Variants in OR5M8 observed in about 807,000 individuals in gnomAD.
OR5M8 encodes the protein olfactory receptor 5M8.
For missense variants in OR5M8, 445 were observed against 379.3 expected (o/e 1.17, Z -1.44); for synonymous variants, 163 against 141.5 (o/e 1.15, Z -1.08).
chr11:56,490,858 A>C lies in OR5M8; in HGVS notation c.513T>G (p.Asn171Lys), dbSNP rs537315231. Residue 171 changes from asparagine to lysine, a missense_variant, in exon 1 of 1, where the codon AAT (asparagine) becomes AAG (lysine). Coordinates refer to ENST00000327216, the MANE Select transcript of OR5M8 (RefSeq NM_001005282.1). ...CCGCACAGTAGAAGTGATTAATTTC[A>C]TTGGGGCCACAGAAGGCTAGGTTGT... Reference protein sequence around the residue: ...WTYNLAFCGPNEINHFYCADP... With the variant: ...WTYNLAFCGPKEINHFYCADP... 6 of 1,614,064 alleles carry C rather than the reference A, an allele frequency of 3.7e-6. No individual in the cohort carries two copies. In the East Asian group the frequency reaches 1.3e-4, roughly 36 times the overall value.
At position 56,490,829 on chromosome 11, in the gene OR5M8, G is replaced by T. The variant is rs546649892; in HGVS notation, c.542C>A (p.Pro181Gln). Residue 181 changes from proline (P) to glutamine (Q), a missense_variant, in exon 1 of 1, where the codon CCA becomes CAA. By Grantham distance (76) the Pro-to-Gln change is moderately conservative. Transcript: ENST00000327216. ...NEINHFYCAD[P>Q]PLIKLACSDT... ...AGAACAAGCCAGCTTAATCAGTGGT[G>T]GGTCCGCACAGTAGAAGTGATTAAT... 1 of 1,614,122 alleles carries T rather than the reference G, an allele frequency of 6.2e-7. No homozygotes were observed. Among genetic ancestry groups the T allele is most frequent in the Non-Finnish European group, 8.5e-7 (1 of 1,180,008 alleles).
rs1853841075 is a variant in OR5M8, at chr11:56,490,715, T to A, written c.656A>T (p.Tyr219Phe). 1.2e-6 allele frequency: 2 copies of A among 1,614,062 alleles called. No homozygotes were observed. Among genetic ancestry groups the A allele is most frequent in the South Asian group, 1.1e-5 (1 of 91,072 alleles). The change falls in exon 1 of 1, where the codon TAC (tyrosine) becomes TTC (phenylalanine). Residue 219 changes from tyrosine to phenylalanine, a missense_variant. Transcript: ENST00000327216. Reference protein sequence around the residue: ...SLFIICISYLYIFPAILKIRS... With the variant: ...SLFIICISYLFIFPAILKIRS... ...AATCTTTAAAATAGCAGGGAAAATGTAAAGGTAGGAAATACATATGATGAA... is the reference window on the plus strand; with the variant it reads ...AATCTTTAAAATAGCAGGGAAAATGAAAAGGTAGGAAATACATATGATGAA...
chr11:56,491,286 G>T lies in OR5M8; in HGVS notation c.85C>A (p.Leu29Met), dbSNP rs541589253. 16 of 1,614,032 alleles carry T rather than the reference G, an allele frequency of 9.9e-6. 1 individual carries two copies. In the South Asian group the frequency reaches 1.5e-4, roughly 16 times the overall value. The change falls in exon 1 of 1, where the codon CTG (leucine) becomes ATG (methionine). Residue 29 changes from leucine (L) to methionine (M), a missense_variant. Coordinates refer to ENST00000327216, the MANE Select transcript of OR5M8 (RefSeq NM_001005282.1). ...RRELQILLFT[L>M]FLAIYMVTVA... ...GTGACCATGTAAATGGCCAGAAACA[G>T]CGTGAAGAGGAGAATTTGTAATTCC...
Position 56,490,747 on chromosome 11 carries a change from A to G in OR5M8, c.624T>C (p.Phe208=). 6.2e-7 allele frequency: 1 copy of G among 1,614,194 alleles called. No individual in the cohort carries two copies. Among genetic ancestry groups the G allele is most frequent in the Non-Finnish European group, 8.5e-7 (1 of 1,180,016 alleles). The change falls in exon 1 of 1, where the codon TTT becomes TTC. Residue 208 remains phenylalanine (F), a synonymous_variant. Transcript: ENST00000327216. ...AGGAAATACATATGATGAAGAGAGA[A>G]AAAGAAAGGTTCCAGCCAGCCACAA... The part of the protein sequence containing the change: ...MFIVAGWNLS[F]SLFIICISYL...
At position 56,491,123 on chromosome 11, in the gene OR5M8, A is replaced by C. The variant is rs749071948; in HGVS notation, c.248T>G (p.Ile83Ser). The stretch of plus-strand genomic sequence containing the variant: ...AATGCTTTTCTTCTCTGAAAGGAAA[A>C]TCTCCAGCATCTTTGGAGTCACATT... ...SSNVTPKMLEIFLSEKKSISY... is the reference protein window; with the variant it reads ...SSNVTPKMLESFLSEKKSISY... Residue 83 changes from isoleucine to serine, a missense_variant, in exon 1 of 1, where the codon ATT becomes AGT. Transcript: ENST00000327216. 1.9e-6 allele frequency: 3 copies of C among 1,614,208 alleles called. No homozygotes were observed. The highest frequency in any genetic ancestry group is 8.5e-7 in the Non-Finnish European group (1 of 1,180,028).
rs140178134 is a variant in OR5M8, at chr11:56,491,010, G to C, written c.361C>G (p.Arg121Gly). The change falls in exon 1 of 1, where the codon CGG (arginine) becomes GGG (glycine). Residue 121 changes from arginine to glycine, a missense_variant. Arg to Gly is a moderately radical substitution (Grantham distance 125). Transcript: ENST00000327216. ...IYILAVMAFDRYMAICNPLLY... is the reference protein window; with the variant it reads ...IYILAVMAFDGYMAICNPLLY... ...AGAGGGTTGCAGATGGCCATGTACC[G>C]GTCAAAGGCCATCACAGCCAGGATG... 1.9e-6 allele frequency: 3 copies of C among 1,614,128 alleles called. No homozygotes were observed. The East Asian group carries it at 6.7e-5, about 36-fold the overall frequency.
Position 56,490,535 on chromosome 11 carries a change from G to A in OR5M8, c.836C>T (p.Thr279Ile), listed in dbSNP as rs372843566. Residue 279 changes from threonine to isoleucine, a missense_variant, in exon 1 of 1, where the codon ACA becomes ATA. Coordinates refer to ENST00000327216, the MANE Select transcript of OR5M8 (RefSeq NM_001005282.1). Reference protein sequence around the residue: ...QGKMVAVFYTTVIPMLNLIIY... With the variant: ...QGKMVAVFYTIVIPMLNLIIY... ...TATAAGGTTCAGCATAGGGATTACT[G>A]TGGTATAAAATACAGCTACCATTTT... 1.2e-6 allele frequency: 2 copies of A among 1,605,862 alleles called. No homozygotes were observed. The highest frequency in any genetic ancestry group is 1.7e-4 in the Middle Eastern group (1 of 6,052).
chr11:56,490,648 GCCA>G lies in OR5M8; in HGVS notation c.720_722del (p.Gly241del), dbSNP rs1853839906. The G allele has an allele frequency of 6.2e-7, 1 of 1,613,754 alleles. No homozygotes were observed. Among genetic ancestry groups the G allele is most frequent in the Non-Finnish European group, 8.5e-7 (1 of 1,179,948 alleles). The stretch of plus-strand genomic sequence containing the variant: ...ATATAGTGACAGCTGTCAGATGGGA[GCCA>G]CAGGTAGAAAAAGCTTTTTGCCTGC... On this transcript the variant is annotated inframe_deletion, in exon 1 of 1. Coordinates refer to ENST00000327216, the MANE Select transcript of OR5M8 (RefSeq NM_001005282.1).
In OR5M8 at chr11:56,491,164, A is replaced by T; in HGVS notation, c.207T>A (p.Asp69Glu). Residue 69 changes from aspartate to glutamate, a missense_variant, in exon 1 of 1, where the codon GAT (aspartate) becomes GAA (glutamate). Transcript: ENST00000327216. ...YFFLSHLSFV[D>E]LCFSSNVTPK... is the part of the protein sequence containing the mutation. ...GAGTCACATTGGAAGAGAAGCACAG[A>T]TCCACGAAGGATAAGTGGCTCAGGA... 6.2e-7 allele frequency: 1 copy of T among 1,614,242 alleles called. No homozygotes were observed. The highest frequency in any genetic ancestry group is 2.2e-5 in the East Asian group (1 of 44,882).
chr11:56,490,671 G>A lies in OR5M8; in HGVS notation c.700C>T (p.Gln234Ter). ...GAGCCACAGGTAGAAAAAGCTTTTT[G>A]CCTGCCCTCTGTAGAGCGAATCTTT... ...ILKIRSTEGRQKAFSTCGSHL... is the reference protein window; with the variant it reads ...ILKIRSTEGR The change falls in exon 1 of 1, where the codon CAA (glutamine) becomes TAA (stop). Residue 234 changes from glutamine (Q) to a stop codon, truncating the protein, a stop_gained. Coordinates refer to ENST00000327216, the MANE Select transcript of OR5M8 (RefSeq NM_001005282.1). LOFTEE classifies it low-confidence loss of function (END_TRUNC). 6.2e-7 allele frequency: 1 copy of A among 1,613,688 alleles called. No homozygotes were observed. Among genetic ancestry groups the A allele is most frequent in the Non-Finnish European group, 8.5e-7 (1 of 1,179,874 alleles).
chr11:56,490,906 G>T lies in OR5M8; in HGVS notation c.465C>A (p.Gly155=), dbSNP rs1253140506. ...TVPYVYGALT[G]LMETMWTYNL... ...TGTAGGTCCACATGGTCTCCATCAG[G>T]CCAGTGAGCGCTCCATACACATAAG... The change falls in exon 1 of 1, where the codon GGC becomes GGA. Residue 155 remains glycine, a synonymous_variant. Transcript: ENST00000327216. 1 of 1,613,910 alleles carries T rather than the reference G, an allele frequency of 6.2e-7. No homozygotes were observed. The highest frequency in any genetic ancestry group is 8.5e-7 in the Non-Finnish European group (1 of 1,179,862).
rs146940313 is a variant in OR5M8, at chr11:56,491,315, C to A, written c.56G>T (p.Arg19Leu). Residue 19 changes from arginine to leucine, a missense_variant, in exon 1 of 1, where the codon CGC becomes CTC. Coordinates refer to ENST00000327216, the MANE Select transcript of OR5M8 (RefSeq NM_001005282.1). ...GAAGAGGAGAATTTGTAATTCCCGG[C>A]GACTGGTCAGTCCCAGGAGAATGAA... Reference protein sequence around the residue: ...TEFILLGLTSRRELQILLFTL... With the variant: ...TEFILLGLTSLRELQILLFTL... 14 of 1,613,354 alleles carry A rather than the reference C, an allele frequency of 8.7e-6. No individual in the cohort carries two copies. The highest frequency in any genetic ancestry group is 4.4e-5 in the South Asian group (4 of 91,006).
At position 56,491,360 on chromosome 11, in the gene OR5M8, T is replaced by C; in HGVS notation, c.11A>G (p.Asn4Ser). 1 of 1,578,190 alleles carries C rather than the reference T, an allele frequency of 6.3e-7. No individual in the cohort carries two copies. Among genetic ancestry groups the C allele is most frequent in the East Asian group, 2.2e-5 (1 of 44,488 alleles). MRR[N>S]CTLVTEFILL... Reference sequence around the variant, plus strand: ...AATGAACTCAGTCACCAACGTGCAGTTTCTTCTCATAATTTCCTTCGGTGG... The same window carrying C: ...AATGAACTCAGTCACCAACGTGCAGCTTCTTCTCATAATTTCCTTCGGTGG... The change falls in exon 1 of 1, where the codon AAC becomes AGC. Residue 4 changes from asparagine to serine, a missense_variant. Coordinates refer to ENST00000327216, the MANE Select transcript of OR5M8 (RefSeq NM_001005282.1).
Position 56,491,056 on chromosome 11 carries a change from G to A in OR5M8, c.315C>T (p.Ala105=). 3 of 1,613,904 alleles carry A rather than the reference G, an allele frequency of 1.9e-6. No homozygotes were observed. The highest frequency in any genetic ancestry group is 2.5e-6 in the Non-Finnish European group (3 of 1,179,982). The part of the protein sequence containing the change: ...ACLVQCYLFI[A]LVHVEIYILA... ...GGATGTAGATCTCAACATGGACCAA[G>A]GCGATAAAAAGGTAACACTGCACAA... is the stretch of plus-strand genomic sequence containing the variant. The change falls in exon 1 of 1, where the codon GCC becomes GCT. Residue 105 remains alanine (A), a synonymous_variant. Transcript: ENST00000327216.
chr11:56,490,915 C>G lies in OR5M8; in HGVS notation c.456G>C (p.Ala152=), dbSNP rs761721814. ...ACATGGTCTCCATCAGGCCAGTGAG[C>G]GCTCCATACACATAAGGCACCGTGA... ...FLITVPYVYG[A]LTGLMETMWT... The change falls in exon 1 of 1, where the codon GCG becomes GCC. Residue 152 remains alanine, a synonymous_variant. Transcript: ENST00000327216. The G allele has an allele frequency of 3.7e-6, 6 of 1,613,726 alleles. No homozygotes were observed. In the East Asian group the frequency reaches 1.3e-4, roughly 36 times the overall value.
Position 56,491,181 on chromosome 11 carries a change from G to T in OR5M8, c.190C>A (p.His64Asn), listed in dbSNP as rs753676223. The T allele has an allele frequency of 1.9e-6, 3 of 1,614,068 alleles. No individual in the cohort carries two copies. The highest frequency in any genetic ancestry group is 2.7e-5 in the African/African-American group (2 of 74,944). ...LHMPMYFFLS[H>N]LSFVDLCFSS... is the part of the protein sequence containing the mutation. The stretch of plus-strand genomic sequence containing the variant: ...AAGCACAGATCCACGAAGGATAAGT[G>T]GCTCAGGAAAAAGTACATGGGCATG... Residue 64 changes from histidine to asparagine, a missense_variant, in exon 1 of 1, where the codon CAC becomes AAC. Transcript: ENST00000327216.
chr11:56,491,290 GA>G lies in OR5M8; in HGVS notation c.80del (p.Phe27SerfsTer18), dbSNP rs780060846. The G allele has an allele frequency of 3.1e-6, 5 of 1,613,894 alleles. No homozygotes were observed. Among genetic ancestry groups the G allele is most frequent in the Non-Finnish European group, 4.2e-6 (5 of 1,179,932 alleles). ...CCATGTAAATGGCCAGAAACAGCGT[GA>G]AGAGGAGAATTTGTAATTCCCGGCG... The part of the protein sequence containing the change: ...TSRRELQILL[F>X]TLFLAIYMVT... On this transcript the variant is annotated frameshift_variant, in exon 1 of 1. Coordinates refer to ENST00000327216, the MANE Select transcript of OR5M8 (RefSeq NM_001005282.1). LOFTEE classifies it low-confidence loss of function (END_TRUNC).
At position 56,490,446 on chromosome 11, in the gene OR5M8, A is replaced by G; in HGVS notation, c.925T>C (p.Tyr309His). ...ALIKELSMKI[Y>H]FS ...AAGAATACTGATTTTTAAGAAAAGT[A>G]TATCTTCATTGACAGCTCTTTGATT... is the stretch of plus-strand genomic sequence containing the variant. The change falls in exon 1 of 1, where the codon TAC becomes CAC. Residue 309 changes from tyrosine to histidine, a missense_variant. Transcript: ENST00000327216. 1 of 1,519,298 alleles carries G rather than the reference A, an allele frequency of 6.6e-7. No homozygotes were observed. 94.1% of individuals were successfully genotyped at this position (1,519,298 alleles called of 1,614,324 possible).
chr11:56,491,075 T>C lies in OR5M8; in HGVS notation c.296A>G (p.Gln99Arg), dbSNP rs766886306. Residue 99 changes from glutamine to arginine, a missense_variant, in exon 1 of 1, where the codon CAG (glutamine) becomes CGG (arginine). By Grantham distance (43) the Gln-to-Arg change is conservative (BLOSUM62 1). Transcript: ENST00000327216. Reference protein sequence around the residue: ...KSISYPACLVQCYLFIALVHV... With the variant: ...KSISYPACLVRCYLFIALVHV... Reference sequence around the variant, plus strand: ...GACCAAGGCGATAAAAAGGTAACACTGCACAAGACAGGCAGGATAGGAAAT... The same window carrying C: ...GACCAAGGCGATAAAAAGGTAACACCGCACAAGACAGGCAGGATAGGAAAT... The C allele has an allele frequency of 1.2e-6, 2 of 1,614,200 alleles. No individual in the cohort carries two copies. Among genetic ancestry groups the C allele is most frequent in the Non-Finnish European group, 1.7e-6 (2 of 1,180,034 alleles).
Sources: allele counts gnomAD v4.1 joint callset, GRCh38; gene constraint gnomAD v4.1.1; transcripts MANE v1.5; gene names NCBI Gene and HGNC (gene_info 2026-07-23, HGNC 2026-07-21).